ITGB8: variants seen among roughly 807,000 people sequenced by gnomAD.
ITGB8 encodes integrin subunit beta 8.
In ITGB8, 30 loss-of-function variants were observed where a neutral mutation model predicts 89.5. The ratio of observed to expected loss-of-function variants is 0.34; its 90% CI spans 0.25 to 0.45. The LOEUF (loss-of-function observed/expected upper bound fraction) is 0.45. ITGB8 is among the 20% of genes least tolerant of loss of function. ITGB8 has a pLI of 1.00. For missense variants in ITGB8, 836 were observed against 933.3 expected (o/e 0.90, Z 1.36); for synonymous variants, 335 against 320.4 (o/e 1.05, Z -0.49).
At chr7:20,360,062 T>C (rs1355669212) in intron 1 of ITGB8, among the ~76,000 whole-genome samples, 2 of 152,192 alleles carry the variant, frequency 1.3e-5, no homozygotes, top group Admixed American at 6.5e-5. Flanking sequence ...CTGGGAAGTA[T>C]TGACAGGACC....
chr7:20,340,085 G>C (rs914141321), intron 1 of ITGB8, among the ~76,000 whole-genome samples: 2 of 152,212 alleles, frequency 1.3e-5, no homozygotes, highest in East Asian at 1.9e-4. Flanking sequence ...GTCTTATAAA[G>C]TGGCCTTTCA....
At chr7:20,334,358 T>C (rs1784508499) in intron 1 of ITGB8, among the ~76,000 whole-genome samples, 3 of 152,196 alleles carry the variant, frequency 2.0e-5, no homozygotes, top group Non-Finnish European at 4.4e-5. Context: ...CATTTACTTA[T>C]TTTAAAAGAT....
chr7:20,331,650 C>G lies in ITGB8; in HGVS notation c.-157C>G, dbSNP rs2240046. ...CCGAGCGGTGCCCGGGCCCGCTTACCTGCACCGCTTGCTCCGAGCCGCGGG... is the reference window on the plus strand; with the variant it reads ...CCGAGCGGTGCCCGGGCCCGCTTACGTGCACCGCTTGCTCCGAGCCGCGGG... On this transcript the variant is annotated 5_prime_UTR_variant, in exon 1 of 14. Transcript: ENST00000222573. 0.064 allele frequency: 56,222 copies of G among 872,582 alleles called. 2,172 individuals carry two copies. Among genetic ancestry groups the G allele is most frequent in the East Asian group, 0.13 (4,124 of 32,734 alleles). The allele number at this position is 872,582 out of a possible 1,614,324, so 54.1% of individuals were successfully genotyped here.
intron 10 of ITGB8, among the ~76,000 whole-genome samples, chr7:20,403,791 A>AGG (rs1787416030): frequency 6.6e-6 from 1 of 150,390 alleles, no homozygotes; most frequent in Non-Finnish European, 1.5e-5. Flanking sequence ...AGGAAGGGAG[A>AGG]GGGAGAAAAG....
intron 3 of ITGB8, among the ~76,000 whole-genome samples, chr7:20,373,486 C>G (rs139814576): frequency 6.6e-6 from 1 of 152,286 alleles, no homozygotes; most frequent in African/African-American, 2.4e-5. Flanking sequence ...ATGTTTCAAA[C>G]TTGGTTCGTT....
At chr7:20,344,177 T>C (rs907046157) in intron 1 of ITGB8, among the ~76,000 whole-genome samples, 2 of 151,844 alleles carry the variant, frequency 1.3e-5, no homozygotes, top group African/African-American at 4.8e-5. Flanking sequence ...GTTTGGGCCA[T>C]TAGTGCTGTA....
At chr7:20,363,197 T>G (rs1454220498) in intron 1 of ITGB8, among the ~76,000 whole-genome samples, 2 of 152,200 alleles carry the variant, frequency 1.3e-5, no homozygotes, top group African/African-American at 4.8e-5. Flanking sequence ...TAATGTGAAT[T>G]TATATGTTGA....
At chr7:20,344,855 A>G (rs988628982) in intron 1 of ITGB8, among the ~76,000 whole-genome samples, 8 of 152,242 alleles carry the variant, frequency 5.3e-5, no homozygotes, top group African/African-American at 1.9e-4. Context: ...CAGTGAATAC[A>G]TACTGAACTC....
rs752638219 is a variant in ITGB8, at chr7:20,401,779, A to G, written c.1340A>G (p.Tyr447Cys). The G allele has an allele frequency of 1.2e-6, 2 of 1,600,860 alleles. No individual in the cohort carries two copies. The highest frequency in any genetic ancestry group is 8.5e-7 in the Non-Finnish European group (1 of 1,176,524). Residue 447 changes from tyrosine to cysteine, a missense_variant, in exon 10 of 14, where the codon TAT (tyrosine) becomes TGT (cysteine). Coordinates refer to ENST00000222573, the MANE Select transcript of ITGB8 (RefSeq NM_002214.3). ...TGTGATGTCACAGGAGGAAAAAACTATGCAATAATCAAACCTATTGGTTTT... is the reference window on the plus strand; with the variant it reads ...TGTGATGTCACAGGAGGAAAAAACTGTGCAATAATCAAACCTATTGGTTTT... ...KKCDVTGGKNYAIIKPIGFNE... is the reference protein window; with the variant it reads ...KKCDVTGGKNCAIIKPIGFNE...
chr7:20,392,700 C>T (rs1199744581), intron 7 of ITGB8, among the ~76,000 whole-genome samples: 3 of 152,174 alleles, frequency 2.0e-5, no homozygotes, highest in Non-Finnish European at 2.9e-5. Flanking sequence ...TTCCAAGTCT[C>T]CATTATCTAT....
At chr7:20,388,115 C>G (rs1331038444) in intron 6 of ITGB8, among the ~76,000 whole-genome samples, 1 of 152,170 alleles carries the variant, frequency 6.6e-6, no homozygotes, top group Admixed American at 6.5e-5. Context: ...ACACAGTTAT[C>G]TCTTTACCCA....
In ITGB8 at chr7:20,415,648, C is replaced by T; in HGVS notation, c.*5651C>T. ...TGAGATGTTTATTTTTCTAACAGAG[C>T]TTATAACAGTTAGGACAAGGCATTT... On this transcript the variant is annotated 3_prime_UTR_variant, in exon 14 of 14. Coordinates refer to ENST00000222573, the MANE Select transcript of ITGB8 (RefSeq NM_002214.3). The T allele has an allele frequency of 1.3e-5, 2 of 152,510 alleles. No individual in the cohort carries two copies. Among genetic ancestry groups the T allele is most frequent in the East Asian group, 3.8e-4 (2 of 5,198 alleles). The allele number at this position is 152,510 out of a possible 1,614,324, so 9.4% of individuals were successfully genotyped here.
intron 1 of ITGB8, among the ~76,000 whole-genome samples, chr7:20,347,582 A>G (rs763872551): frequency 5.3e-5 from 8 of 152,244 alleles, no homozygotes; most frequent in Non-Finnish European, 1.2e-4. Context: ...GACCACAAAG[A>G]TTTAAATCAG....
At chr7:20,399,777 C>G (rs949821324) in intron 9 of ITGB8, among the ~76,000 whole-genome samples, 1 of 152,064 alleles carries the variant, frequency 6.6e-6, no homozygotes, top group Non-Finnish European at 1.5e-5. Flanking sequence ...AAATGAATGA[C>G]TTGGACTAGT....
intron 2 of ITGB8, chr7:20,364,938 GAA>G (rs1217162365): frequency 6.6e-6 from 1 of 152,188 alleles, no homozygotes; most frequent in Admixed American, 6.5e-5. Flanking sequence ...TTAGAGCCCT[GAA>G]GTTTGTGCCA....
intron 3 of ITGB8, among the ~76,000 whole-genome samples, chr7:20,374,802 A>G (rs1786070091): frequency 6.6e-6 from 1 of 152,182 alleles, no homozygotes; most frequent in Admixed American, 6.5e-5. Context: ...TTATGTAGGA[A>G]CTTCGATCTG....
chr7:20,353,911 G>A lies in ITGB8; in HGVS notation c.128-9726G>A, dbSNP rs376833718. On this transcript the variant is annotated intron_variant, in intron 1 of 13. Coordinates refer to ENST00000222573, the MANE Select transcript of ITGB8 (RefSeq NM_002214.3). ...CGCGCCACTGCACTCCAGCCTGGGCGACAGAGCGAGACTCCGTCTCAAAAA... is the reference window on the plus strand; with the variant it reads ...CGCGCCACTGCACTCCAGCCTGGGCAACAGAGCGAGACTCCGTCTCAAAAA... Among the ~76,000 whole-genome samples the A allele has an allele frequency of 7.5e-4, 78 of 104,590 alleles. No homozygotes were observed. The East Asian group carries it at 0.017, about 23-fold the overall frequency. The allele number at this position is 104,590 out of a possible 152,430, so 68.6% of individuals were successfully genotyped here.
chr7:20,374,026 T>G lies in ITGB8; in HGVS notation c.389-5025T>G, dbSNP rs139447187. ...TCTTCTTTCTAATTCTGCCACAGAC[T>G]CACTTCTTCCCGTTAAAATTAATGG... On this transcript the variant is annotated intron_variant, in intron 3 of 13. Coordinates refer to ENST00000222573, the MANE Select transcript of ITGB8 (RefSeq NM_002214.3). 1.1e-3 allele frequency among the ~76,000 whole-genome samples: 161 copies of G among 152,330 alleles called. 1 individual carries two copies. Among genetic ancestry groups the G allele is most frequent in the Non-Finnish European group, 1.7e-3 (117 of 68,016 alleles).
intron 1 of ITGB8, among the ~76,000 whole-genome samples, chr7:20,339,969 A>G (rs1466050244): frequency 1.3e-5 from 2 of 152,256 alleles, no homozygotes; most frequent in Non-Finnish European, 2.9e-5. Context: ...CGGAGGTTGC[A>G]GTGAGCCGAG....
Sources: gnomAD v4.1 joint callset for allele counts (sites outside exome capture counted in the v4.1 genomes callset) on GRCh38, gnomAD v4.1.1 for gene constraint, MANE v1.5 for transcripts, NCBI Gene and HGNC (gene_info 2026-07-23, HGNC 2026-07-21) for gene names.